ZNF587: variants seen among roughly 807,000 people sequenced by gnomAD.
The protein encoded by ZNF587 is zinc finger protein zfp6.
ZNF587 carries 8 observed loss-of-function variants against 7.5 expected under a neutral mutation model. That is an observed-to-expected ratio of 1.06 (90% CI 0.62 to 1.92). ZNF587 has a LOEUF of 1.92. ZNF587 is among the 40% of genes most tolerant of loss of function. The pLI is 0.00. For synonymous variants in ZNF587, 145 were observed against 237.8 expected (o/e 0.61, Z 3.59); for missense variants, 468 against 692.8 (o/e 0.68, Z 3.64).
rs1453033725 is a variant in ZNF587 at position 57,861,650 on chromosome 19, A to G, written c.*1510A>G. ...GCCTCACCTGTAGGCTTGTTTTTTA[A>G]AATGAATTTTATCTATTTCCCATTT... On this transcript the variant is annotated 3_prime_UTR_variant, in exon 3 of 3. Transcript: ENST00000339656. The G allele has an allele frequency of 6.6e-6, 1 of 152,234 alleles. No homozygotes were observed. Among genetic ancestry groups the G allele is most frequent in the Non-Finnish European group, 1.5e-5 (1 of 68,056 alleles). 9.4% of individuals were successfully genotyped at this position (152,234 alleles called of 1,614,324 possible).
chr19:57,864,580 T>C lies in ZNF587; in HGVS notation c.*4440T>C, dbSNP rs2071482068. The C allele has an allele frequency of 6.6e-6, 1 of 152,148 alleles. No homozygotes were observed. Among genetic ancestry groups the C allele is most frequent in the African/African-American group, 2.4e-5 (1 of 41,442 alleles). The allele number at this position is 152,148 out of a possible 1,614,324, so 9.4% of individuals were successfully genotyped here. On this transcript the variant is annotated 3_prime_UTR_variant, in exon 3 of 3. Coordinates refer to ENST00000339656, the MANE Select transcript of ZNF587 (RefSeq NM_032828.4). ...CTAAATGTCACCTTGTATTACAGCA[T>C]GTTATATAAGCACATACAGGCACAT...
intron 1 of ZNF587, among the ~76,000 whole-genome samples, chr19:57,853,252 T>A (rs2071306070): frequency 6.6e-6 from 1 of 152,358 alleles, no homozygotes; most frequent in Non-Finnish European, 1.5e-5. Flanking sequence ...TGCACACTGC[T>A]TCAGCTGAGA....
intron 1 of ZNF587, chr19:57,852,328 G>A: frequency 5.0e-6 from 2 of 398,578 alleles, no homozygotes; most frequent in Non-Finnish European, 8.8e-6. Context: ...AAGTCAGGAG[G>A]TGATATTACC....
rs374819855 is a variant in ZNF587 at position 57,859,877 on chromosome 19, G to A, written c.1465G>A (p.Glu489Lys). Residue 489 changes from glutamate (E) to lysine (K), a missense_variant, in exon 3 of 3, where the codon GAA becomes AAA. Transcript: ENST00000339656. ...VTIHQRIHTG[E>K]RPYECSECGK... ...TATACATCAGAGGATTCACACTGGA[G>A]AAAGGCCGTATGAATGCAGTGAATG... 6.2e-7 allele frequency: 1 copy of A among 1,614,098 alleles called. No individual in the cohort carries two copies. The highest frequency in any genetic ancestry group is 8.5e-7 in the Non-Finnish European group (1 of 1,180,040).
intron 1 of ZNF587, among the ~76,000 whole-genome samples, chr19:57,852,929 T>A (rs1227317984): frequency 7.9e-6 from 1 of 127,114 alleles, no homozygotes; most frequent in Admixed American, 9.9e-5. Flanking sequence ...CTCAGCCCAC[T>A]GCAACCTTCA....
intron 1 of ZNF587, chr19:57,854,052 A>C (rs2122318031): frequency 6.6e-6 from 1 of 152,354 alleles, no homozygotes; most frequent in East Asian, 1.9e-4. Context: ...GTGCCTGGCC[A>C]GTTGTAACTA....
rs2071491207 is a variant in ZNF587 at position 57,865,040 on chromosome 19, T to C, written c.*4900T>C. The C allele has an allele frequency of 6.6e-6, 1 of 152,248 alleles. No individual in the cohort carries two copies. Among genetic ancestry groups the C allele is most frequent in the Admixed American group, 6.5e-5 (1 of 15,278 alleles). 9.4% of individuals were successfully genotyped at this position (152,248 alleles called of 1,614,324 possible). ...GTCTCTTGTCTTGAATTAATACAAC[T>C]TTTGTTAATTCTCTTATGAAGTTAA... On this transcript the variant is annotated 3_prime_UTR_variant, in exon 3 of 3. Coordinates refer to ENST00000339656, the MANE Select transcript of ZNF587 (RefSeq NM_032828.4).
intron 1 of ZNF587, chr19:57,850,770 T>C: frequency 2.5e-6 from 1 of 392,510 alleles, no homozygotes; most frequent in Non-Finnish European, 4.5e-6. Flanking sequence ...ACAAGCTCTT[T>C]GTTCTTATGG....
At chr19:57,855,658 T>C (rs1270365882) in intron 1 of ZNF587, among the ~76,000 whole-genome samples, 4 of 149,088 alleles carry the variant, frequency 2.7e-5, no homozygotes, top group Non-Finnish European at 5.9e-5. Flanking sequence ...GCCTCCTGGG[T>C]TCACGCCATT....
intron 1 of ZNF587, chr19:57,855,847 C>T (rs1444964204): frequency 2.1e-6 from 1 of 474,354 alleles, no homozygotes. Context: ...AGGCGTGAGC[C>T]ACCGCACCCA....
Position 57,865,022 on chromosome 19 carries a change from G to A in ZNF587, c.*4882G>A, listed in dbSNP as rs891584124. On this transcript the variant is annotated 3_prime_UTR_variant, in exon 3 of 3. Coordinates refer to ENST00000339656, the MANE Select transcript of ZNF587 (RefSeq NM_032828.4). ...GCAATTTTAGTCTCTGCAGTCTCTT[G>A]TCTTGAATTAATACAACTTTTGTTA... is the stretch of plus-strand genomic sequence containing the variant. The A allele has an allele frequency of 2.6e-5, 4 of 152,182 alleles. No individual in the cohort carries two copies. Among genetic ancestry groups the A allele is most frequent in the African/African-American group, 9.7e-5 (4 of 41,440 alleles). The allele number at this position is 152,182 out of a possible 1,614,324, so 9.4% of individuals were successfully genotyped here.
In ZNF587 at chr19:57,861,789, T is replaced by C. The variant is rs77635688; in HGVS notation, c.*1649T>C. The C allele has an allele frequency of 7.2e-4, 107 of 148,010 alleles. 1 individual carries two copies. The highest frequency in any genetic ancestry group is 2.4e-3 in the African/African-American group (91 of 38,300). 9.2% of individuals were successfully genotyped at this position (148,010 alleles called of 1,614,324 possible). On this transcript the variant is annotated 3_prime_UTR_variant, in exon 3 of 3. Transcript: ENST00000339656. The stretch of plus-strand genomic sequence containing the variant: ...TTTGGTTTTCTTTTTTTTTTTTTTT[T>C]CCAGATGGAGTCTAGCTCTGTCTCC...
chr19:57,858,402 C>G, intron 2 of ZNF587, 174 bp from the exon 3 acceptor site: 1 of 1,342,896 alleles, frequency 7.4e-7, no homozygotes, highest in Non-Finnish European at 1.0e-6. Flanking sequence ...GCTGGGATTA[C>G]AGGTGTGAGC....
Position 57,861,173 on chromosome 19 carries a change from T to A in ZNF587, c.*1033T>A, listed in dbSNP as rs2071427881. ...TACAACTTTTTAAGCAATGCCAAAC[T>A]ATGACTTAAGAATGAAATTATTGCT... On this transcript the variant is annotated 3_prime_UTR_variant, in exon 3 of 3. Transcript: ENST00000339656. The A allele has an allele frequency of 6.6e-6, 1 of 152,192 alleles. No homozygotes were observed. Among genetic ancestry groups the A allele is most frequent in the African/African-American group, 2.4e-5 (1 of 41,444 alleles). The allele number at this position is 152,192 out of a possible 1,614,324, so 9.4% of individuals were successfully genotyped here. A position where few individuals can be genotyped will look rare whatever the true frequency, so the allele number is the denominator to read the frequency against.
At chr19:57,855,943 G>C (rs576157674) in intron 1 of ZNF587, 161 bp from the exon 2 acceptor site, 3 of 1,262,622 alleles carry the variant, frequency 2.4e-6, no homozygotes, top group Non-Finnish European at 2.2e-6. Context: ...GATGGCATTT[G>C]ACCAGCAGGC....
At chr19:57,850,340 TTATTCAAATCAGTCTCC>T (rs1464587536) in intron 1 of ZNF587, 2 of 630,350 alleles carry the variant, frequency 3.2e-6, no homozygotes, top group African/African-American at 3.7e-5. Flanking sequence ...AGGAGTTTTA[TTATTCAAATCAGTCTCC>T]CTGAGCATTC....
At position 57,861,402 on chromosome 19, in the gene ZNF587, C is replaced by G. The variant is rs1194415910; in HGVS notation, c.*1262C>G. 6.6e-6 allele frequency: 1 copy of G among 152,262 alleles called. No individual in the cohort carries two copies. The highest frequency in any genetic ancestry group is 2.4e-5 in the African/African-American group (1 of 41,472). The allele number at this position is 152,262 out of a possible 1,614,324, so 9.4% of individuals were successfully genotyped here. A position where few individuals can be genotyped will look rare whatever the true frequency, so the allele number is the denominator to read the frequency against. On this transcript the variant is annotated 3_prime_UTR_variant, in exon 3 of 3. Transcript: ENST00000339656. ...CTAGAGTACCGTGGCACAATCTCAGCTCATTGCAACCTCTGCTTCCTGGGC... is the reference window on the plus strand; with the variant it reads ...CTAGAGTACCGTGGCACAATCTCAGGTCATTGCAACCTCTGCTTCCTGGGC...
intron 2 of ZNF587, chr19:57,856,971 ACT>A (rs1257047003): frequency 6.6e-6 from 1 of 150,942 alleles, no homozygotes; most frequent in African/African-American, 2.5e-5. Flanking sequence ...TAGACCATAG[ACT>A]CTTCTTGCAA....
Position 57,862,465 on chromosome 19 carries a change from TTAAC to T in ZNF587, c.*2329_*2332del, listed in dbSNP as rs1419510957. The T allele has an allele frequency of 1.3e-5, 2 of 153,006 alleles. No homozygotes were observed. The highest frequency in any genetic ancestry group is 6.5e-5 in the Admixed American group (1 of 15,268). 9.5% of individuals were successfully genotyped at this position (153,006 alleles called of 1,614,324 possible). A position where few individuals can be genotyped will look rare whatever the true frequency, so the allele number is the denominator to read the frequency against. On this transcript the variant is annotated 3_prime_UTR_variant, in exon 3 of 3. Transcript: ENST00000339656. ...CCATGGGTAACGTCATTCATCCACA[TTAAC>T]TAATTTCCTCACTCCAAGCTCTTTT... is the stretch of plus-strand genomic sequence containing the variant.
Sources: allele counts gnomAD v4.1 joint callset (sites outside exome capture counted in the v4.1 genomes callset), GRCh38; gene constraint gnomAD v4.1.1; transcripts MANE v1.5; gene names NCBI Gene and HGNC (gene_info 2026-07-23, HGNC 2026-07-21).